The following LRRC4C variants were observed in gnomAD, a reference collection of about 807,000 sequenced individuals.
LRRC4C encodes leucine-rich repeat-containing protein 4C.
A neutral mutation model predicts 33.6 loss-of-function variants in LRRC4C; 5 were observed. That is an observed-to-expected ratio of 0.15 (90% CI 0.08 to 0.31). The LOEUF (loss-of-function observed/expected upper bound fraction) is 0.31, where lower values mean the gene tolerates loss of function less well. LRRC4C is among the 10% of genes least tolerant of loss of function. The pLI, the probability that LRRC4C is intolerant of heterozygous loss-of-function variation, is 1.00. For missense variants in LRRC4C, 560 were observed against 796.7 expected, an observed-to-expected ratio of 0.70 and a Z score of 3.58; for synonymous variants, 329 against 302.0, an observed-to-expected ratio of 1.09 and a Z score of -0.93.
chr11:40,365,064 T>C (rs1211775696), intron 3 of LRRC4C, among the ~76,000 whole-genome samples: 1 of 148,654 alleles, frequency 6.7e-6, no homozygotes, highest in African/African-American at 2.5e-5. Context: ...GGAAACCACT[T>C]CAGACAGAAG....
intron 4 of LRRC4C, among the ~76,000 whole-genome samples, chr11:40,252,831 A>T (rs568379109): frequency 2.0e-5 from 3 of 152,328 alleles, no homozygotes; most frequent in Non-Finnish European, 4.4e-5. Context: ...CATAATGTGC[A>T]TTATAAAAGC....
intron 3 of LRRC4C, among the ~76,000 whole-genome samples, chr11:40,578,169 T>TTTTTTTTTTTTTTTA (rs1958301328): frequency 2.3e-5 from 3 of 131,904 alleles, no homozygotes; most frequent in Non-Finnish European, 1.6e-5. Context: ...TTTTTTTTTT[T>TTTTTTTTTTTTTTTA]TGCCTCTTAA....
intron 3 of LRRC4C, among the ~76,000 whole-genome samples, chr11:40,326,712 A>G (rs1460545408): frequency 6.6e-6 from 1 of 152,228 alleles, no homozygotes; most frequent in African/African-American, 2.4e-5. Context: ...TCAGAGAGCT[A>G]GACAGAAATC....
intron 1 of LRRC4C, among the ~76,000 whole-genome samples, chr11:41,366,241 GA>G (rs1288037723): frequency 1.6e-5 from 2 of 126,760 alleles, no homozygotes; most frequent in Non-Finnish European, 3.4e-5. Flanking sequence ...TAGATAGATA[GA>G]TAGGTAGATA....
chr11:41,021,162 AGAGAGAG>A, intron 1 of LRRC4C, among the ~76,000 whole-genome samples: 1 of 708 alleles, frequency 1.4e-3, no homozygotes, highest in South Asian at 0.25. Flanking sequence ...CATCTGAGAG[AGAGAGAG>A]AGAGAGAGAG....
intron 2 of LRRC4C, among the ~76,000 whole-genome samples, chr11:40,916,506 A>G (rs1592084941): frequency 6.6e-6 from 1 of 152,168 alleles, no homozygotes; most frequent in East Asian, 1.9e-4. Context: ...ATGAGAACAC[A>G]TGGACACAGG....
chr11:41,220,791 A>G (rs1947273505), intron 1 of LRRC4C, among the ~76,000 whole-genome samples: 1 of 152,204 alleles, frequency 6.6e-6, no homozygotes, highest in Admixed American at 6.5e-5. Context: ...CAGAAGTCAT[A>G]TATTGGTTTA....
At chr11:41,254,171 T>C (rs1193517783) in intron 1 of LRRC4C, among the ~76,000 whole-genome samples, 1 of 152,074 alleles carries the variant, frequency 6.6e-6, no homozygotes, top group Non-Finnish European at 1.5e-5. Context: ...AGCAACTTCA[T>C]GGATTTGAAC....
chr11:40,325,723 T>C (rs1215626189), intron 3 of LRRC4C, among the ~76,000 whole-genome samples: 1 of 152,152 alleles, frequency 6.6e-6, no homozygotes, highest in Non-Finnish European at 1.5e-5. Flanking sequence ...TCATTTTTCA[T>C]CAACACCAGG....
intron 1 of LRRC4C, among the ~76,000 whole-genome samples, chr11:41,444,653 G>C (rs1209008156): frequency 6.6e-6 from 1 of 152,118 alleles, no homozygotes; most frequent in Non-Finnish European, 1.5e-5. Context: ...ATGAACTGAA[G>C]TGTTTATGCA....
chr11:40,151,592 T>C (rs1858214478), intron 5 of LRRC4C, among the ~76,000 whole-genome samples: 1 of 152,248 alleles, frequency 6.6e-6, no homozygotes, highest in African/African-American at 2.4e-5. Context: ...TAAATTGTTC[T>C]GAAGTAGTTC....
intron 2 of LRRC4C, among the ~76,000 whole-genome samples, chr11:40,911,481 G>C (rs1956686249): frequency 6.6e-6 from 1 of 152,198 alleles, no homozygotes; most frequent in Admixed American, 6.5e-5. Flanking sequence ...CTACAGCTGA[G>C]GGTCCTGACT....
chr11:40,181,167 ATC>A (rs959035383), intron 5 of LRRC4C, among the ~76,000 whole-genome samples: 2 of 152,138 alleles, frequency 1.3e-5, no homozygotes, highest in African/African-American at 4.8e-5. Context: ...TGAAAATAAG[ATC>A]TTTCTTCCCT....
chr11:40,255,619 G>A (rs1015832558), intron 4 of LRRC4C, among the ~76,000 whole-genome samples: 4 of 152,122 alleles, frequency 2.6e-5, no homozygotes, highest in Admixed American at 6.6e-5. Context: ...TCTGCTCAGC[G>A]GCTGTGTGAA....
At chr11:40,569,802 T>C (rs934694580) in intron 3 of LRRC4C, among the ~76,000 whole-genome samples, 1 of 152,064 alleles carries the variant, frequency 6.6e-6, no homozygotes, top group Admixed American at 6.6e-5. Flanking sequence ...ATGGAAATCT[T>C]TAAAAATAAA....
intron 1 of LRRC4C, among the ~76,000 whole-genome samples, chr11:41,281,104 T>TCTCTCA (rs1455403663): frequency 9.8e-6 from 1 of 102,510 alleles, no homozygotes; most frequent in Admixed American, 1.2e-4. Context: ...TCTCTCTCTC[T>TCTCTCA]CACACACACA....
chr11:41,214,568 AAAAATAC>A (rs1946958253), intron 1 of LRRC4C, among the ~76,000 whole-genome samples: 1 of 135,996 alleles, frequency 7.4e-6, no homozygotes, highest in African/African-American at 3.0e-5. Flanking sequence ...CGTCTCTACT[AAAAATAC>A]AAAAAAAAAA....
intron 2 of LRRC4C, among the ~76,000 whole-genome samples, chr11:40,659,446 C>G (rs1229216325): frequency 2.6e-5 from 4 of 152,118 alleles, no homozygotes; most frequent in Non-Finnish European, 5.9e-5. Flanking sequence ...GCTACCAATT[C>G]CAGGTGGAGT....
At chr11:40,439,816 A>C (rs765165368) in intron 3 of LRRC4C, among the ~76,000 whole-genome samples, 26 of 152,272 alleles carry the variant, frequency 1.7e-4, no homozygotes, top group Non-Finnish European at 2.8e-4. Flanking sequence ...TGCAAAAACA[A>C]ATTTGGAAGA....
Sources: allele counts gnomAD v4.1 joint callset (sites outside exome capture counted in the v4.1 genomes callset), GRCh38; gene constraint gnomAD v4.1.1; transcripts MANE v1.5; gene names NCBI Gene and HGNC (gene_info 2026-07-23, HGNC 2026-07-21).